The following CALHM4 variants were observed in gnomAD, a reference collection of about 807,000 sequenced individuals.
CALHM4 encodes the protein calcium homeostasis modulator family member 4.
In CALHM4, 16 loss-of-function variants were observed where a neutral mutation model predicts 13.3. That is an observed-to-expected ratio of 1.20 (90% CI 0.81 to 1.82). The LOEUF is 1.82. Among genes scored for constraint, CALHM4 ranks in the 40% most tolerant of loss-of-function variants. The pLI is 0.00. For synonymous variants in CALHM4, 127 were observed against 137.1 expected, an observed-to-expected ratio of 0.93 and a Z score of 0.52; for missense variants, 344 against 374.9, an observed-to-expected ratio of 0.92 and a Z score of 0.68.
At chr6:116,537,741 A>G (rs916265041) in intron 1 of CALHM4, among the ~76,000 whole-genome samples, 7 of 152,304 alleles carry the variant, frequency 4.6e-5, no homozygotes, top group African/African-American at 1.7e-4. Flanking sequence ...AAGAAAAGCA[A>G]CTTCCTAAGG....
Position 116,540,303 on chromosome 6 carries a change from A to G in CALHM4, c.-108-3462A>G. ...TGTCCAATCTGAACAGAAAACCACC[A>G]TACTCAAAAAGAATCAGAGATTTTT... On this transcript the variant is annotated intron_variant, in intron 1 of 2. Coordinates refer to the CALHM4 transcript ENST00000368597. 11 of 1,478,814 alleles carry G rather than the reference A, an allele frequency of 7.4e-6. No homozygotes were observed. In the South Asian group the frequency reaches 1.2e-4, roughly 17 times the overall value. 91.6% of individuals were successfully genotyped at this position (1,478,814 alleles called of 1,614,324 possible). A position where few individuals can be genotyped will look rare whatever the true frequency, so the allele number is the denominator to read the frequency against.
chr6:116,559,092 T>C lies in CALHM4; in HGVS notation c.*881T>C, dbSNP rs931675386. Among the ~76,000 whole-genome samples, 3 of 152,218 alleles carry C rather than the reference T, an allele frequency of 2.0e-5. No individual in the cohort carries two copies. Among genetic ancestry groups the C allele is most frequent in the Non-Finnish European group, 2.9e-5 (2 of 68,036 alleles). ...TCTGTACTTGTATATCCATTATCTGTAACTACAAAAGAGGATAATTCCTGC... is the reference window on the plus strand; with the variant it reads ...TCTGTACTTGTATATCCATTATCTGCAACTACAAAAGAGGATAATTCCTGC... On this transcript the variant is annotated 3_prime_UTR_variant, in exon 2 of 2. Transcript: ENST00000368596.
intron 2 of CALHM4, among the ~76,000 whole-genome samples, chr6:116,545,929 T>G (rs9320567): frequency 0.013 from 1,990 of 152,304 alleles, 45 homozygotes; most frequent in African/African-American, 0.045. Context: ...CCAAGATAGA[T>G]CTAAATGTTA....
In CALHM4 at chr6:116,554,038, G is replaced by T; in HGVS notation, c.245G>T (p.Cys82Phe). 1 of 1,550,654 alleles carries T rather than the reference G, an allele frequency of 6.4e-7. No homozygotes were observed. The highest frequency in any genetic ancestry group is 1.2e-5 in the South Asian group (1 of 84,058). Residue 82 changes from cysteine (C) to phenylalanine (F), a missense_variant, in exon 1 of 2, where the codon TGC becomes TTC. Transcript: ENST00000368596. The part of the protein sequence containing the change: ...SQMWTITGEY[C>F]CSCAPPYRRI... ...ATGTGGACAATTACCGGTGAATACT[G>T]CTGCAGCTGTGCCCCTCCATACAGG...
At chr6:116,541,771 A>G (rs1773478669) in intron 1 of CALHM4, among the ~76,000 whole-genome samples, 1 of 152,218 alleles carries the variant, frequency 6.6e-6, no homozygotes, top group Non-Finnish European at 1.5e-5. Flanking sequence ...TCCACAGCTC[A>G]GCAACTGGGA....
Position 116,559,791 on chromosome 6 carries a change from A to G in CALHM4, c.*1580A>G, listed in dbSNP as rs1368581072. The stretch of plus-strand genomic sequence containing the variant: ...GATTTTTATGTTTATGTTTATATAT[A>G]TATACAGGTCAATATGCATACATCT... On this transcript the variant is annotated 3_prime_UTR_variant, in exon 2 of 2. Coordinates refer to ENST00000368596, the MANE Select transcript of CALHM4 (RefSeq NM_001366078.2). Among the ~76,000 whole-genome samples, 3 of 152,170 alleles carry G rather than the reference A, an allele frequency of 2.0e-5. No homozygotes were observed. The highest frequency in any genetic ancestry group is 1.3e-4 in the Admixed American group (2 of 15,278).
At chr6:116,530,918 T>C (rs1282662622) in intron 1 of CALHM4, among the ~76,000 whole-genome samples, 1 of 141,214 alleles carries the variant, frequency 7.1e-6, no homozygotes, top group East Asian at 2.1e-4. Flanking sequence ...TATATATATA[T>C]ATATATATAT....
At position 116,558,156 on chromosome 6, in the gene CALHM4, G is replaced by A; in HGVS notation, c.890G>A (p.Arg297Lys). 2 of 1,614,066 alleles carry A rather than the reference G, an allele frequency of 1.2e-6. No homozygotes were observed. Among genetic ancestry groups the A allele is most frequent in the Non-Finnish European group, 8.5e-7 (1 of 1,180,000 alleles). ...LQGHYSFLGNRVDEDNEEDRS... is the reference protein window; with the variant it reads ...LQGHYSFLGNKVDEDNEEDRS... ...GGTCACTATAGCTTCCTTGGAAATA[G>A]GGTGGATGAGGATAATGAGGAAGAC... The change falls in exon 2 of 2, where the codon AGG becomes AAG. Residue 297 changes from arginine (R) to lysine (K), a missense_variant. Physicochemically the swap from Arg to Lys is conservative, Grantham distance 26 (BLOSUM62 2). Coordinates refer to ENST00000368596, the MANE Select transcript of CALHM4 (RefSeq NM_001366078.2).
At chr6:116,544,418 T>C (rs1773651060) in intron 2 of CALHM4, among the ~76,000 whole-genome samples, 1 of 152,112 alleles carries the variant, frequency 6.6e-6, no homozygotes, top group Non-Finnish European at 1.5e-5. Flanking sequence ...GCCAGCTTTC[T>C]CTATTCTGCT....
intron 1 of CALHM4, among the ~76,000 whole-genome samples, chr6:116,538,550 A>G (rs1773234327): frequency 6.6e-6 from 1 of 152,192 alleles, no homozygotes; most frequent in South Asian, 2.1e-4. Context: ...TAGTTATGCT[A>G]ACATATCTTT....
chr6:116,547,222 G>A lies in CALHM4; in HGVS notation c.-1+3350G>A, dbSNP rs554085278. On this transcript the variant is annotated intron_variant, in intron 2 of 2. Coordinates refer to the CALHM4 transcript ENST00000368597. ...AGGTGCAGGGACAGCATGTTGCTGG[G>A]TCAATTTGTGGGCAATCCTAGTTCT... 2.0e-5 allele frequency among the ~76,000 whole-genome samples: 3 copies of A among 152,238 alleles called. No homozygotes were observed. The South Asian group carries it at 6.2e-4, about 32-fold the overall frequency.
chr6:116,539,976 AAAC>A (rs1773334454), intron 1 of CALHM4, among the ~76,000 whole-genome samples: 1 of 152,192 alleles, frequency 6.6e-6, no homozygotes, highest in Non-Finnish European at 1.5e-5. Context: ...GGGAATGACT[AAAC>A]AATATTCTTT....
At chr6:116,534,433 T>C (rs541282015) in intron 1 of CALHM4, among the ~76,000 whole-genome samples, 3 of 151,966 alleles carry the variant, frequency 2.0e-5, no homozygotes, top group Admixed American at 2.0e-4. Flanking sequence ...CATAGCAGTC[T>C]TGTGCATTCA....
At position 116,557,924 on chromosome 6, in the gene CALHM4, T is replaced by C; in HGVS notation, c.658T>C (p.Tyr220His). ...TCCCCTCACCTCTCTGCAACATTGC[T>C]ACTGGACCAGCCACCTCCAGAATGA... Reference protein sequence around the residue: ...CSPLTSLQHCYWTSHLQNERE... With the variant: ...CSPLTSLQHCHWTSHLQNERE... Residue 220 changes from tyrosine (Y) to histidine (H), a missense_variant, in exon 2 of 2, where the codon TAC (tyrosine) becomes CAC (histidine). Tyr to His is a moderately conservative substitution (Grantham distance 83). Transcript: ENST00000368596. 2.5e-6 allele frequency: 4 copies of C among 1,614,144 alleles called. No individual in the cohort carries two copies. Among genetic ancestry groups the C allele is most frequent in the Non-Finnish European group, 3.4e-6 (4 of 1,180,010 alleles).
chr6:116,534,976 G>A (rs564225117), intron 1 of CALHM4, among the ~76,000 whole-genome samples: 1 of 152,134 alleles, frequency 6.6e-6, no homozygotes, highest in Non-Finnish European at 1.5e-5. Flanking sequence ...ATTCCCCCAC[G>A]TCCCTCAGAG....
chr6:116,545,438 G>A, intron 2 of CALHM4: 1 of 1,512,226 alleles, frequency 6.6e-7, no homozygotes, highest in Non-Finnish European at 8.9e-7. Context: ...CATTTTCTCT[G>A]AAGTAGAAAA....
chr6:116,560,691 C>G lies in CALHM4; in HGVS notation c.*2480C>G, dbSNP rs1459861008. 6.6e-6 allele frequency among the ~76,000 whole-genome samples: 1 copy of G among 150,746 alleles called. No homozygotes were observed. Among genetic ancestry groups the G allele is most frequent in the Non-Finnish European group, 1.5e-5 (1 of 67,856 alleles). On this transcript the variant is annotated 3_prime_UTR_variant, in exon 2 of 2. Coordinates refer to ENST00000368596, the MANE Select transcript of CALHM4 (RefSeq NM_001366078.2). The stretch of plus-strand genomic sequence containing the variant: ...TATGGTCTATAGCATTTTTTTGCTC[C>G]ACAGCTAGTTAAATGAAACTTTTTC...
intron 1 of CALHM4, among the ~76,000 whole-genome samples, chr6:116,531,567 G>A (rs963762869): frequency 2.0e-5 from 3 of 152,080 alleles, no homozygotes; most frequent in African/African-American, 7.2e-5. Context: ...TGATTATCGT[G>A]TCCCAGAATA....
chr6:116,538,995 T>C lies in CALHM4; in HGVS notation c.-108-4770T>C, dbSNP rs577048673. ...CTCAAGTGATTTGCCCACACTAAGC[T>C]AATGGGATGAATTTTGGCAAAGATC... On this transcript the variant is annotated intron_variant, in intron 1 of 2. Transcript: ENST00000368597. 1.6e-4 allele frequency among the ~76,000 whole-genome samples: 24 copies of C among 152,254 alleles called. 1 individual carries two copies. In the South Asian group the frequency reaches 5.0e-3, roughly 32 times the overall value.
Sources: gnomAD v4.1 joint callset for allele counts (sites outside exome capture counted in the v4.1 genomes callset) on GRCh38, gnomAD v4.1.1 for gene constraint, MANE v1.5 for transcripts, NCBI Gene and HGNC (gene_info 2026-07-23, HGNC 2026-07-21) for gene names.